Variants in SCARF2 observed in about 807,000 individuals in gnomAD.
SCARF2 encodes the protein scavenger receptor expressed by endothelial cells 2 protein.
SCARF2 carries 39 observed loss-of-function variants against 73.4 expected under a neutral mutation model. The ratio of observed to expected loss-of-function variants is 0.53; its 90% confidence interval spans 0.41 to 0.69. The LOEUF is 0.69. Among genes scored for constraint, SCARF2 ranks in the 30% least tolerant of loss-of-function variants. The pLI is 0.00. For synonymous variants in SCARF2, 605 were observed against 590.0 expected, an observed-to-expected ratio of 1.03 and a Z score of -0.37; for missense variants, 1,148 against 1,303.5, an observed-to-expected ratio of 0.88 and a Z score of 1.84.
intron 1 of SCARF2, among the ~76,000 whole-genome samples, chr22:20,435,089 A>C (rs1423522131): frequency 1.3e-5 from 2 of 151,916 alleles, no homozygotes. Context: ...CCAGAAGGAG[A>C]CCTCATGGGC....
In SCARF2 at chr22:20,427,465, G is replaced by C. The variant is rs2052592427; in HGVS notation, c.1626C>G (p.Ser542=). 1 of 1,614,196 alleles carries C rather than the reference G, an allele frequency of 6.2e-7. No individual in the cohort carries two copies. The change falls in exon 10 of 11, where the codon TCC becomes TCG. Residue 542 remains serine (S), a synonymous_variant. Transcript: ENST00000622235. ...SGLEQPSPSW[S]SRASFSSFDT... ...CAAACGAGGAGAAGGAGGCCCGAGA[G>C]GACCAGGATGGTGAGGGCTGCTCCA...
At chr22:20,428,353 T>C (rs1455327749) in intron 9 of SCARF2, among the ~76,000 whole-genome samples, 1 of 151,922 alleles carries the variant, frequency 6.6e-6, no homozygotes, top group Non-Finnish European at 1.5e-5. Context: ...AATGGTGCGA[T>C]CTCGGCTCAC....
chr22:20,427,567 C>T lies in SCARF2; in HGVS notation c.1541-17G>A, dbSNP rs753334106. On this transcript the variant is annotated splice_polypyrimidine_tract_variant and intron_variant, in intron 9 of 10. Coordinates refer to ENST00000622235, the MANE Select transcript of SCARF2 (RefSeq NM_182895.5). ...GGTGGGCCACTGGGGAAGGATGAGGCAGAGCTGCCAGGGGTCCACTCTGCC... is the reference window on the plus strand; with the variant it reads ...GGTGGGCCACTGGGGAAGGATGAGGTAGAGCTGCCAGGGGTCCACTCTGCC... 6.2e-7 allele frequency: 1 copy of T among 1,611,866 alleles called. No homozygotes were observed. Among genetic ancestry groups the T allele is most frequent in the Non-Finnish European group, 8.5e-7 (1 of 1,179,754 alleles).
chr22:20,433,404 TG>T (rs1187786615), intron 1 of SCARF2, among the ~76,000 whole-genome samples: 1 of 152,214 alleles, frequency 6.6e-6, no homozygotes, highest in East Asian at 1.9e-4. Context: ...CGGAAGGTGG[TG>T]GGGGGCGGAG....
At chr22:20,426,389 C>T in intron 10 of SCARF2, 107 bp from the exon 11 acceptor site, 1 of 1,235,974 alleles carries the variant, frequency 8.1e-7, no homozygotes, top group Non-Finnish European at 1.1e-6. Flanking sequence ...GCCCTTGGCA[C>T]TGTGTCACCC....
chr22:20,434,369 C>A (rs773067703), intron 1 of SCARF2, among the ~76,000 whole-genome samples: 11 of 152,150 alleles, frequency 7.2e-5, no homozygotes, highest in Non-Finnish European at 1.5e-4. Context: ...GCGCCAAGAC[C>A]TATGAAGTGG....
chr22:20,429,199 C>T lies in SCARF2; in HGVS notation c.1540+26G>A, dbSNP rs1460360977. ...TTCCTGCGTCGAGAGGTGTTTCTCC[C>T]AGATACCCCGCGCTGTCATCCTTAC... On this transcript the variant is annotated intron_variant, in intron 9 of 10. Transcript: ENST00000622235. This position sits in a 1 kb window ranked among gnomAD's most constrained non-coding sequence, Gnocchi z 5.2. 1.2e-6 allele frequency: 2 copies of T among 1,613,950 alleles called. No individual in the cohort carries two copies. Among genetic ancestry groups the T allele is most frequent in the East Asian group, 2.2e-5 (1 of 44,882 alleles).
rs945242013 is a variant in SCARF2 at position 20,424,942 on chromosome 22, C to T, written c.*433G>A. 10 of 161,084 alleles carry T rather than the reference C, an allele frequency of 6.2e-5. No homozygotes were observed. Among genetic ancestry groups the T allele is most frequent in the African/African-American group, 2.4e-5 (1 of 41,838 alleles). 10.0% of individuals were successfully genotyped at this position (161,084 alleles called of 1,614,324 possible). Reference sequence around the variant, plus strand: ...TATTGGGACGGCCAAGGGAGGGAGCCTCCAGCCAGAGGCACCAGGCCCTAG... The same window carrying T: ...TATTGGGACGGCCAAGGGAGGGAGCTTCCAGCCAGAGGCACCAGGCCCTAG... On this transcript the variant is annotated 3_prime_UTR_variant, in exon 11 of 11. Coordinates refer to ENST00000622235, the MANE Select transcript of SCARF2 (RefSeq NM_182895.5).
chr22:20,429,519 G>A lies in SCARF2; in HGVS notation c.1424+17C>T. On this transcript the variant is annotated intron_variant, in intron 8 of 10. Coordinates refer to ENST00000622235, the MANE Select transcript of SCARF2 (RefSeq NM_182895.5). This position sits in a 1 kb window ranked among gnomAD's most constrained non-coding sequence, Gnocchi z 5.2. ...CGGCCTGAACCCAGGCGAAAGCGGG[G>A]CAGTATCTGGGCTCACCGGCGCGTA... The A allele has an allele frequency of 6.2e-7, 1 of 1,611,416 alleles. No homozygotes were observed. Among genetic ancestry groups the A allele is most frequent in the Non-Finnish European group, 8.5e-7 (1 of 1,179,406 alleles).
chr22:20,427,731 G>A (rs1472760477), intron 9 of SCARF2, among the ~76,000 whole-genome samples, 181 bp from the exon 10 acceptor site: 1 of 152,212 alleles, frequency 6.6e-6, no homozygotes, highest in Non-Finnish European at 1.5e-5. Flanking sequence ...AATGGGTAGA[G>A]GTGAACCCAG....
Position 20,429,904 on chromosome 22 carries a change from C to T in SCARF2, c.1203-71G>A, listed in dbSNP as rs1021130181. Reference sequence around the variant, plus strand: ...ATGCCCCCTACCCTCACCCCTCACCCGCGGCCAGGGCCCAGGGTCCAGGGT... The same window carrying T: ...ATGCCCCCTACCCTCACCCCTCACCTGCGGCCAGGGCCCAGGGTCCAGGGT... On this transcript the variant is annotated intron_variant, in intron 6 of 10. Transcript: ENST00000622235. The surrounding 1 kb of genome is among the most constrained non-coding windows in gnomAD (Gnocchi z 5.2). 9.5e-6 allele frequency: 14 copies of T among 1,479,690 alleles called. No individual in the cohort carries two copies. Among genetic ancestry groups the T allele is most frequent in the Non-Finnish European group, 1.3e-5 (14 of 1,085,630 alleles). The allele number at this position is 1,479,690 out of a possible 1,614,324, so 91.7% of individuals were successfully genotyped here. A position where few individuals can be genotyped will look rare whatever the true frequency, so the allele number is the denominator to read the frequency against.
rs1158187643 is a variant in SCARF2 at position 20,429,848 on chromosome 22, G to A, written c.1203-15C>T. Reference sequence around the variant, plus strand: ...TCACGTTACAGCTGCCGGGACATAGGGTCAAGGCATGCCACAGCCGCCCCC... The same window carrying A: ...TCACGTTACAGCTGCCGGGACATAGAGTCAAGGCATGCCACAGCCGCCCCC... On this transcript the variant is annotated splice_polypyrimidine_tract_variant and intron_variant, in intron 6 of 10. Transcript: ENST00000622235. This position sits in a 1 kb window ranked among gnomAD's most constrained non-coding sequence, Gnocchi z 5.2. The A allele has an allele frequency of 6.2e-7, 1 of 1,611,102 alleles. No individual in the cohort carries two copies. The highest frequency in any genetic ancestry group is 1.3e-5 in the African/African-American group (1 of 74,994).
rs765096717 is a variant in SCARF2, at chr22:20,426,273, G to T, written c.1703C>A (p.Ala568Glu). 10 of 1,533,972 alleles carry T rather than the reference G, an allele frequency of 6.5e-6. No homozygotes were observed. The highest frequency in any genetic ancestry group is 8.7e-6 in the Non-Finnish European group (10 of 1,146,652). ...GGGGACTTCGGGGTCCCGGCTCTCC[G>T]CTGGTGCCTCTGGCAAGGGAAGAGC... Reference protein sequence around the residue: ...VYCVPHEEAPAESRDPEVPTV... With the variant: ...VYCVPHEEAPEESRDPEVPTV... Residue 568 changes from alanine to glutamate, a missense_variant, in exon 11 of 11, where the codon GCG becomes GAG. Transcript: ENST00000622235.
rs759609 is a variant in SCARF2 at position 20,425,810 on chromosome 22, C to G, written c.2166G>C (p.Arg722=). Reference sequence around the variant, plus strand: ...TCGCCTCCTCGGGCAGCCCGGGGGGCCGCGGCGTTGGGTCGCGGGTCCGGG... The same window carrying G: ...TCGCCTCCTCGGGCAGCCCGGGGGGGCGCGGCGTTGGGTCGCGGGTCCGGG... The part of the protein sequence containing the change: ...GSPRTRDPTP[R]PPGLPEEATA... Residue 722 remains arginine (R), a synonymous_variant, in exon 11 of 11, where the codon CGG becomes CGC. Coordinates refer to ENST00000622235, the MANE Select transcript of SCARF2 (RefSeq NM_182895.5). This position sits in a 1 kb window ranked among gnomAD's most constrained non-coding sequence, Gnocchi z 4.6. The G allele has an allele frequency of 6.6e-7, 1 of 1,523,626 alleles. No individual in the cohort carries two copies. Among genetic ancestry groups the G allele is most frequent in the Non-Finnish European group, 8.8e-7 (1 of 1,142,078 alleles). 94.4% of individuals were successfully genotyped at this position (1,523,626 alleles called of 1,614,324 possible).
Position 20,431,548 on chromosome 22 carries a change from G to C in SCARF2, c.335-11C>G. The C allele has an allele frequency of 6.4e-7, 1 of 1,565,876 alleles. No homozygotes were observed. Among genetic ancestry groups the C allele is most frequent in the Non-Finnish European group, 8.6e-7 (1 of 1,162,852 alleles). On this transcript the variant is annotated splice_polypyrimidine_tract_variant and intron_variant, in intron 3 of 10. Transcript: ENST00000622235. ...ACTGGCGCGGGCACTCTGCAGGGGA[G>C]GAGCGGAGGGGGTGGAAGGCCCCGG...
At chr22:20,427,347 A>T (rs1298966363) in intron 10 of SCARF2, 51 bp downstream of exon 10, 3 of 1,609,112 alleles carry the variant, frequency 1.9e-6, no homozygotes, top group Non-Finnish European at 2.5e-6. Context: ...CAGCTTTTCC[A>T]TGGGAACATT....
At chr22:20,430,658 G>A (rs2052633789) in intron 5 of SCARF2, 32 bp downstream of exon 5, 2 of 1,598,206 alleles carry the variant, frequency 1.3e-6, no homozygotes, top group African/African-American at 1.3e-5. Context: ...GGGGGACTGC[G>A]TGTCTGGGCC....
In SCARF2 at chr22:20,429,770, G is replaced by C. The variant is rs770235904; in HGVS notation, c.1266C>G (p.His422Gln). ...CAGTGACCGGGTCGCACGTGTCCTC[G>C]TGGCAGCTGCAGGCCTGAGCACAGT... Reference protein sequence around the residue: ...GADCAQACSCHEDTCDPVTGA... With the variant: ...GADCAQACSCQEDTCDPVTGA... Residue 422 changes from histidine to glutamine, a missense_variant, in exon 7 of 11, where the codon CAC (histidine) becomes CAG (glutamine). Physicochemically the swap from His to Gln is conservative, Grantham distance 24. Coordinates refer to ENST00000622235, the MANE Select transcript of SCARF2 (RefSeq NM_182895.5). This position sits in a 1 kb window ranked among gnomAD's most constrained non-coding sequence, Gnocchi z 5.2. The C allele has an allele frequency of 6.2e-7, 1 of 1,613,610 alleles. No individual in the cohort carries two copies. Among genetic ancestry groups the C allele is most frequent in the Admixed American group, 1.7e-5 (1 of 60,024 alleles).
chr22:20,427,481 G>T lies in SCARF2; in HGVS notation c.1610C>A (p.Pro537His). The T allele has an allele frequency of 6.2e-7, 1 of 1,614,140 alleles. No individual in the cohort carries two copies. The highest frequency in any genetic ancestry group is 8.5e-7 in the Non-Finnish European group (1 of 1,180,044). The change falls in exon 10 of 11, where the codon CCC becomes CAC. Residue 537 changes from proline (P) to histidine (H), a missense_variant. This residue lies in a region of SCARF2 where 437 missense variants were observed against 433.6 expected (regional missense o/e 1.01). Coordinates refer to ENST00000622235, the MANE Select transcript of SCARF2 (RefSeq NM_182895.5). The part of the protein sequence containing the change: ...FLEPPSGLEQ[P>H]SPSWSSRASF... ...GGCCCGAGAGGACCAGGATGGTGAG[G>T]GCTGCTCCAGCCCTGAGGGTGGCTC...
Sources: allele counts gnomAD v4.1 joint callset (sites outside exome capture counted in the v4.1 genomes callset), GRCh38; gene constraint gnomAD v4.1.1; regional missense constraint gnomAD v4.1.1; non-coding constraint Gnocchi (gnomAD v3.1); transcripts MANE v1.5; gene names NCBI Gene and HGNC (gene_info 2026-07-23, HGNC 2026-07-21).